Variants in OTULINL observed in about 807,000 individuals in gnomAD.
OTULINL encodes the protein inactive ubiquitin thioesterase OTULINL.
Under a neutral mutation model 43.9 loss-of-function variants are expected in OTULINL, and 42 were observed. That is an observed-to-expected ratio of 0.96 (90% confidence interval 0.75 to 1.24). The LOEUF is 1.24. OTULINL is among the 50% of genes most tolerant of loss of function. The pLI, the probability that OTULINL is intolerant of heterozygous loss-of-function variation, is 0.00. For synonymous variants in OTULINL, 172 were observed against 153.6 expected (o/e 1.12, Z -0.88); for missense variants, 411 against 426.4 (o/e 0.96, Z 0.32).
Position 14,602,257 on chromosome 5 carries a change from C to G in OTULINL, c.423C>G (p.Leu141=). Residue 141 remains leucine (L), a synonymous_variant, in exon 5 of 8, where the codon CTC becomes CTG. Transcript: ENST00000274217. ...TAAGGAGAGATAACTATGATGCTCTCAGATCAGTGTTATTTCAGATATTCA... is the reference window on the plus strand; with the variant it reads ...TAAGGAGAGATAACTATGATGCTCTGAGATCAGTGTTATTTCAGATATTCA... The part of the protein sequence containing the change: ...RQVRRDNYDA[L]RSVLFQIFSQ... The G allele has an allele frequency of 6.2e-7, 1 of 1,613,230 alleles. No individual in the cohort carries two copies. The highest frequency in any genetic ancestry group is 8.5e-7 in the Non-Finnish European group (1 of 1,179,300).
chr5:14,609,678 G>C, intron 7 of OTULINL, among the ~76,000 whole-genome samples: 1 of 138,648 alleles, frequency 7.2e-6, no homozygotes, highest in East Asian at 2.1e-4. Flanking sequence ...TCGCCCAGGC[G>C]GGAGTGCTGT....
chr5:14,614,598 GA>G lies in OTULINL; in HGVS notation c.*4289del, dbSNP rs771023926. On this transcript the variant is annotated 3_prime_UTR_variant, in exon 8 of 8. Coordinates refer to ENST00000274217, the MANE Select transcript of OTULINL (RefSeq NM_019018.3). ...TATCAACATGGTTTATAAGTGGACA[GA>G]AAAACACTCACTCACGTATTCAGCC... is the stretch of plus-strand genomic sequence containing the variant. The G allele has an allele frequency of 5.8e-4, 232 of 398,496 alleles. No homozygotes were observed. Among genetic ancestry groups the G allele is most frequent in the Non-Finnish European group, 8.8e-4 (200 of 226,070 alleles). The allele number at this position is 398,496 out of a possible 1,614,324, so 24.7% of individuals were successfully genotyped here.
rs1046981896 is a variant in OTULINL at position 14,615,345 on chromosome 5, G to T, written c.*5031G>T. Among the ~76,000 whole-genome samples, 2 of 152,130 alleles carry T rather than the reference G, an allele frequency of 1.3e-5. No homozygotes were observed. The highest frequency in any genetic ancestry group is 4.8e-5 in the African/African-American group (2 of 41,422). Reference sequence around the variant, plus strand: ...TCCATGCCAGGTCATGGCTTCGTCCGCCTCCCAGCATGTACCTGGACTTCC... The same window carrying T: ...TCCATGCCAGGTCATGGCTTCGTCCTCCTCCCAGCATGTACCTGGACTTCC... On this transcript the variant is annotated 3_prime_UTR_variant, in exon 8 of 8. Coordinates refer to ENST00000274217, the MANE Select transcript of OTULINL (RefSeq NM_019018.3).
intron 6 of OTULINL, among the ~76,000 whole-genome samples, chr5:14,608,047 A>G (rs1200749318): frequency 6.6e-6 from 1 of 152,252 alleles, no homozygotes; most frequent in East Asian, 1.9e-4. Flanking sequence ...ACTGTGCAGA[A>G]TACACAGTGA....
At chr5:14,589,985 C>T (rs1191495111) in intron 1 of OTULINL, among the ~76,000 whole-genome samples, 1 of 152,030 alleles carries the variant, frequency 6.6e-6, no homozygotes. Context: ...TTTAGATAGG[C>T]ATAGCTTCCA....
rs2126788734 is a variant in OTULINL, at chr5:14,611,962, G to A, written c.*1648G>A. Reference sequence around the variant, plus strand: ...TTTTGCAATGGGGATGATCAGTCGTGTGTACTACATGAACCATGTCTGATG... The same window carrying A: ...TTTTGCAATGGGGATGATCAGTCGTATGTACTACATGAACCATGTCTGATG... On this transcript the variant is annotated 3_prime_UTR_variant, in exon 8 of 8. Transcript: ENST00000274217. 6.6e-6 allele frequency: 1 copy of A among 152,274 alleles called. No homozygotes were observed. The highest frequency in any genetic ancestry group is 2.1e-4 in the South Asian group (1 of 4,820). 9.4% of individuals were successfully genotyped at this position (152,274 alleles called of 1,614,324 possible).
intron 5 of OTULINL, among the ~76,000 whole-genome samples, chr5:14,605,314 A>G (rs779291300): frequency 1.3e-4 from 18 of 141,734 alleles, no homozygotes; most frequent in Admixed American, 8.3e-4. Context: ...CAGAGCACCA[A>G]GTCCCCAGAC....
At chr5:14,602,010 C>T (rs968731752) in intron 4 of OTULINL, among the ~76,000 whole-genome samples, 173 bp from the exon 5 acceptor site, 11 of 152,196 alleles carry the variant, frequency 7.2e-5, no homozygotes, top group Non-Finnish European at 1.5e-5. Flanking sequence ...ATCTAAAATA[C>T]ACTTGTACAA....
intron 5 of OTULINL, among the ~76,000 whole-genome samples, chr5:14,603,900 G>A (rs1031523297): frequency 3.9e-5 from 6 of 152,188 alleles, no homozygotes; most frequent in East Asian, 1.9e-4. Context: ...GTGTGTGTGC[G>A]CACGTGTGTG....
Position 14,610,572 on chromosome 5 carries a change from G to A in OTULINL, c.*258G>A, listed in dbSNP as rs1304307509. On this transcript the variant is annotated 3_prime_UTR_variant, in exon 8 of 8. Coordinates refer to ENST00000274217, the MANE Select transcript of OTULINL (RefSeq NM_019018.3). ...CATAAGGGGCGTGGCCACTTCACAT[G>A]ATGGCGGGCCTTTAAGAGCACAAAG... 3 of 351,692 alleles carry A rather than the reference G, an allele frequency of 8.5e-6. No homozygotes were observed. Among genetic ancestry groups the A allele is most frequent in the African/African-American group, 6.0e-5 (3 of 49,628 alleles). 21.8% of individuals were successfully genotyped at this position (351,692 alleles called of 1,614,324 possible).
intron 1 of OTULINL, among the ~76,000 whole-genome samples, chr5:14,598,730 T>G (rs1458829957): frequency 1.3e-5 from 2 of 152,174 alleles, no homozygotes; most frequent in Non-Finnish European, 2.9e-5. Context: ...AAAAAGGCAA[T>G]GCTTACATTT....
At chr5:14,583,579 C>A (rs909016269) in intron 1 of OTULINL, among the ~76,000 whole-genome samples, 3 of 152,178 alleles carry the variant, frequency 2.0e-5, no homozygotes, top group African/African-American at 7.2e-5. Flanking sequence ...AAATTCAATG[C>A]ATGCCAGCGC....
In OTULINL at chr5:14,607,301, T is replaced by G. The variant is rs1005592233; in HGVS notation, c.499-29T>G. The G allele has an allele frequency of 3.1e-6, 5 of 1,611,226 alleles. No homozygotes were observed. The Admixed American group carries it at 5.0e-5, about 16-fold the overall frequency. On this transcript the variant is annotated intron_variant, in intron 5 of 7. Transcript: ENST00000274217. ...TGTGTAATAAACGTTCATATGCTAA[T>G]CATAGTTGGCATCTACTTCCTTTTC...
At chr5:14,605,599 G>A (rs553886436) in intron 5 of OTULINL, among the ~76,000 whole-genome samples, 62 of 152,036 alleles carry the variant, frequency 4.1e-4, no homozygotes, top group South Asian at 8.3e-4. Context: ...GAACTTTTAC[G>A]CTCTCTCTTT....
chr5:14,596,607 T>A (rs1331939453), intron 1 of OTULINL, among the ~76,000 whole-genome samples: 1 of 152,050 alleles, frequency 6.6e-6, no homozygotes, highest in Non-Finnish European at 1.5e-5. Flanking sequence ...ATTTGAAGAT[T>A]TCCTTGGTTC....
At chr5:14,592,707 C>T (rs765961469) in intron 1 of OTULINL, among the ~76,000 whole-genome samples, 3 of 152,096 alleles carry the variant, frequency 2.0e-5, no homozygotes, top group Non-Finnish European at 2.9e-5. Context: ...TGTAAAAGGT[C>T]GTCATATGGA....
chr5:14,612,444 A>C lies in OTULINL; in HGVS notation c.*2130A>C, dbSNP rs1759597776. 1 of 152,220 alleles carries C rather than the reference A, an allele frequency of 6.6e-6. No individual in the cohort carries two copies. The highest frequency in any genetic ancestry group is 2.1e-4 in the South Asian group (1 of 4,838). The allele number at this position is 152,220 out of a possible 1,614,324, so 9.4% of individuals were successfully genotyped here. ...TCATGTTGTGTTGTGGGCGGGGGGCAAGAATTCTTTAGAGAACCAAGTTGC... is the reference window on the plus strand; with the variant it reads ...TCATGTTGTGTTGTGGGCGGGGGGCCAGAATTCTTTAGAGAACCAAGTTGC... On this transcript the variant is annotated 3_prime_UTR_variant, in exon 8 of 8. Transcript: ENST00000274217.
At chr5:14,588,048 A>G (rs1382677491) in intron 1 of OTULINL, among the ~76,000 whole-genome samples, 1 of 152,202 alleles carries the variant, frequency 6.6e-6, no homozygotes, top group Non-Finnish European at 1.5e-5. Context: ...TGTAGGACCC[A>G]GCATGAACTT....
At position 14,611,722 on chromosome 5, in the gene OTULINL, A is replaced by G. The variant is rs1332100925; in HGVS notation, c.*1408A>G. ...ATTTGATAGTTTTTTTTTTGGAGGT[A>G]CTTTGCTAGTCTGTTTTGAGTTTCA... On this transcript the variant is annotated 3_prime_UTR_variant, in exon 8 of 8. Coordinates refer to ENST00000274217, the MANE Select transcript of OTULINL (RefSeq NM_019018.3). The G allele has an allele frequency of 1.2e-4, 18 of 151,752 alleles. No individual in the cohort carries two copies. Among genetic ancestry groups the G allele is most frequent in the Admixed American group, 1.1e-3 (17 of 15,252 alleles). The allele number at this position is 151,752 out of a possible 1,614,324, so 9.4% of individuals were successfully genotyped here.
Sources: gnomAD v4.1 joint callset for allele counts (sites outside exome capture counted in the v4.1 genomes callset) on GRCh38, gnomAD v4.1.1 for gene constraint, MANE v1.5 for transcripts, NCBI Gene and HGNC (gene_info 2026-07-23, HGNC 2026-07-21) for gene names.